FGFR2: variants seen among roughly 807,000 people sequenced by gnomAD.
FGFR2 encodes fibroblast growth factor receptor 2.
Under a neutral mutation model 95.9 loss-of-function variants are expected in FGFR2, and 19 were observed. That is an observed-to-expected ratio of 0.20 (90% CI 0.14 to 0.29). The LOEUF is 0.29. Ranked by LOEUF, FGFR2 falls within the 10% of genes least tolerant of loss-of-function variation. The pLI is 1.00. For synonymous variants in FGFR2, 392 were observed against 393.3 expected, an observed-to-expected ratio of 1.00 and a Z score of 0.04; for missense variants, 707 against 1,056.9, an observed-to-expected ratio of 0.67 and a Z score of 4.59.
At chr10:121,544,705 G>A (rs919732228) in intron 5 of FGFR2, among the ~76,000 whole-genome samples, 1 of 152,142 alleles carries the variant, frequency 6.6e-6, no homozygotes, top group African/African-American at 2.4e-5. Context: ...TGGGTACAAA[G>A]TTTCTGTTTG....
chr10:121,493,304 T>G (rs764785823), intron 13 of FGFR2, among the ~76,000 whole-genome samples: 1 of 152,224 alleles, frequency 6.6e-6, no homozygotes, highest in Non-Finnish European at 1.5e-5. Flanking sequence ...CTTCCACGAT[T>G]AAATGGATGC....
At chr10:121,521,118 A>G (rs1284173245) in intron 6 of FGFR2, among the ~76,000 whole-genome samples, 3 of 152,370 alleles carry the variant, frequency 2.0e-5, no homozygotes, top group Admixed American at 1.3e-4. Context: ...TTTGATGAAT[A>G]TCAGGTGTTA....
At chr10:121,532,590 G>A (rs1852233378) in intron 6 of FGFR2, among the ~76,000 whole-genome samples, 1 of 152,150 alleles carries the variant, frequency 6.6e-6, no homozygotes, top group African/African-American at 2.4e-5. Flanking sequence ...GCTGTGGTTT[G>A]AGGGACTCCG....
chr10:121,480,216 C>T, intron 17 of FGFR2, 195 bp from the exon 18 acceptor site: 1 of 723,116 alleles, frequency 1.4e-6, no homozygotes, highest in Middle Eastern at 2.9e-4. Context: ...TGAACAGAGA[C>T]CCAGCCCACC....
In FGFR2 at chr10:121,524,146, A is replaced by ACCCCCCCC. The variant is rs1554933622; in HGVS notation, c.749-3978_749-3977insGGGGGGGG. Among the ~76,000 whole-genome samples, 55 of 136,950 alleles carry ACCCCCCCC rather than the reference A, an allele frequency of 4.0e-4. 1 individual carries two copies. The highest frequency in any genetic ancestry group is 6.3e-4 in the Non-Finnish European group (41 of 64,604). 89.8% of individuals were successfully genotyped at this position (136,950 alleles called of 152,430 possible). A position where few individuals can be genotyped will look rare whatever the true frequency, so the allele number is the denominator to read the frequency against. ...CACACACACACACACACACACACAC[A>ACCCCCCCC]CCCCAAGTTTGCAATGGTTTAATGT... On this transcript the variant is annotated intron_variant, in intron 6 of 17. Transcript: ENST00000358487.
rs1863720611 is a variant in FGFR2, at chr10:121,598,151, C to T, written c.-340G>A. ...AGGCTGCGGAGGAGCGCGGGCATGA[C>T]GCCCGCGGGCTGCCCTCGGATTTGG... On this transcript the variant is annotated 5_prime_UTR_variant, in exon 1 of 18. Coordinates refer to ENST00000358487, the MANE Select transcript of FGFR2 (RefSeq NM_000141.5). 5.0e-6 allele frequency: 2 copies of T among 398,316 alleles called. No individual in the cohort carries two copies. The highest frequency in any genetic ancestry group is 1.3e-4 in the South Asian group (1 of 7,862). 24.7% of individuals were successfully genotyped at this position (398,316 alleles called of 1,614,324 possible). A position where few individuals can be genotyped will look rare whatever the true frequency, so the allele number is the denominator to read the frequency against.
chr10:121,545,297 GT>G (rs1854338467), intron 5 of FGFR2, among the ~76,000 whole-genome samples: 1 of 152,236 alleles, frequency 6.6e-6, no homozygotes, highest in Non-Finnish European at 1.5e-5. Context: ...AACAGCAACA[GT>G]GTTTTTACAA....
At chr10:121,546,749 G>A (rs1278735977) in intron 5 of FGFR2, among the ~76,000 whole-genome samples, 2 of 152,158 alleles carry the variant, frequency 1.3e-5, no homozygotes, top group Admixed American at 6.5e-5. Flanking sequence ...CCATAAACGG[G>A]TAGAAAGAAT....
In FGFR2 at chr10:121,598,349, G is replaced by A; in HGVS notation, c.-538C>T. On this transcript the variant is annotated 5_prime_UTR_variant, in exon 1 of 18. Coordinates refer to ENST00000358487, the MANE Select transcript of FGFR2 (RefSeq NM_000141.5). ...CCGCGCCGGGCCAGGTACGCCGCATGCAGCCCCGCGGCGCCCGAGCTTTGT... is the reference window on the plus strand; with the variant it reads ...CCGCGCCGGGCCAGGTACGCCGCATACAGCCCCGCGGCGCCCGAGCTTTGT... The A allele has an allele frequency of 4.2e-6, 1 of 240,482 alleles. No homozygotes were observed. The highest frequency in any genetic ancestry group is 8.0e-6 in the Non-Finnish European group (1 of 125,316). 14.9% of individuals were successfully genotyped at this position (240,482 alleles called of 1,614,324 possible). A position where few individuals can be genotyped will look rare whatever the true frequency, so the allele number is the denominator to read the frequency against.
chr10:121,594,646 A>G lies in FGFR2; in HGVS notation c.-150-679T>C, dbSNP rs76367373. 3.7e-3 allele frequency among the ~76,000 whole-genome samples: 564 copies of G among 152,356 alleles called. 4 individuals carry two copies. Among genetic ancestry groups the G allele is most frequent in the African/African-American group, 0.013 (546 of 41,582 alleles). ...ACTTACGAAGAGTGAACACAACTGC[A>G]GCGCATTCAACGCAGCTGATCCAAA... On this transcript the variant is annotated intron_variant, in intron 1 of 17. Coordinates refer to ENST00000358487, the MANE Select transcript of FGFR2 (RefSeq NM_000141.5).
At position 121,479,715 on chromosome 10, in the gene FGFR2, A is replaced by G. The variant is rs1223110671; in HGVS notation, c.*142T>C. The stretch of plus-strand genomic sequence containing the variant: ...TTCAACTGTATAAATCTTTACACAT[A>G]TGCTGATTACTTTTCCAATTATTTA... On this transcript the variant is annotated 3_prime_UTR_variant, in exon 18 of 18. Transcript: ENST00000358487. 1.9e-6 allele frequency: 3 copies of G among 1,601,964 alleles called. No homozygotes were observed. Among genetic ancestry groups the G allele is most frequent in the Non-Finnish European group, 2.6e-6 (3 of 1,173,442 alleles).
At chr10:121,500,992 G>C in intron 10 of FGFR2, 45 bp from the exon 11 acceptor site, 1 of 1,610,390 alleles carries the variant, frequency 6.2e-7, no homozygotes, top group Non-Finnish European at 8.5e-7. Flanking sequence ...CTGGTGATGG[G>C]GTGTAGTGAG....
At chr10:121,553,382 C>G (rs1564976405) in intron 4 of FGFR2, among the ~76,000 whole-genome samples, 1 of 152,142 alleles carries the variant, frequency 6.6e-6, no homozygotes, top group Non-Finnish European at 1.5e-5. Flanking sequence ...TTTGAGGGTT[C>G]ACCAGGGAGT....
chr10:121,501,163 C>T (rs565897025), intron 10 of FGFR2, among the ~76,000 whole-genome samples: 6 of 152,282 alleles, frequency 3.9e-5, no homozygotes, highest in African/African-American at 1.2e-4. Context: ...TATTAAATTT[C>T]ACATTGGTAT....
chr10:121,484,252 T>C (rs553204858), intron 16 of FGFR2, among the ~76,000 whole-genome samples: 1 of 152,222 alleles, frequency 6.6e-6, no homozygotes, highest in East Asian at 1.9e-4. Context: ...TTGACACAGC[T>C]TCCTGAGTTA....
At position 121,543,307 on chromosome 10, in the gene FGFR2, C is replaced by T. The variant is rs187853439; in HGVS notation, c.625-4592G>A. Among the ~76,000 whole-genome samples, 779 of 152,254 alleles carry T rather than the reference C, an allele frequency of 5.1e-3. 7 individuals carry two copies. Among genetic ancestry groups the T allele is most frequent in the Non-Finnish European group, 7.5e-3 (511 of 68,020 alleles). ...GGCAGATCATTTGAGGACAGGAGTT[C>T]GAGGCCAGCCTGGCCAACATGGTGA... On this transcript the variant is annotated intron_variant, in intron 5 of 17. Coordinates refer to ENST00000358487, the MANE Select transcript of FGFR2 (RefSeq NM_000141.5).
At chr10:121,580,620 G>A (rs1184945397) in intron 2 of FGFR2, among the ~76,000 whole-genome samples, 1 of 152,152 alleles carries the variant, frequency 6.6e-6, no homozygotes, top group Non-Finnish European at 1.5e-5. Context: ...TGCACCGCAG[G>A]ACCCAAGGAA....
At chr10:121,573,655 G>A (rs538485541) in intron 2 of FGFR2, among the ~76,000 whole-genome samples, 1 of 136,070 alleles carries the variant, frequency 7.3e-6, no homozygotes, top group East Asian at 2.1e-4. Flanking sequence ...AGAAAGAGAG[G>A]GGAAGGGGAG....
At chr10:121,496,908 A>C (rs1477031624) in intron 12 of FGFR2, among the ~76,000 whole-genome samples, 186 bp from the exon 13 acceptor site, 1 of 151,148 alleles carries the variant, frequency 6.6e-6, no homozygotes, top group African/African-American at 2.4e-5. Context: ...AGGCAGGTGG[A>C]TCACATGAGG....
Sources: allele counts gnomAD v4.1 joint callset (sites outside exome capture counted in the v4.1 genomes callset), GRCh38; gene constraint gnomAD v4.1.1; transcripts MANE v1.5; gene names NCBI Gene and HGNC (gene_info 2026-07-23, HGNC 2026-07-21).